Variants in ARPP21 observed in about 807,000 individuals in gnomAD.
ARPP21 encodes cAMP regulated phosphoprotein 21, also known as cAMP-regulated phosphoprotein 21.
ARPP21 carries 69 observed loss-of-function variants against 113.2 expected under a neutral mutation model. The observed-to-expected ratio is 0.61, with a 90% confidence interval of 0.50 to 0.74. The LOEUF (loss-of-function observed/expected upper bound fraction) is 0.74. ARPP21 is among the 30% of genes least tolerant of loss of function. The probability of loss-of-function intolerance (pLI) is 0.00; values close to 1 mark genes in which losing one functional copy is unlikely to be tolerated. For synonymous variants in ARPP21, 368 were observed against 375.5 expected (o/e 0.98, Z 0.23); for missense variants, 1,070 against 1,037.4 (o/e 1.03, Z -0.43).
At chr3:35,757,799 C>T (rs1340775125) in intron 19 of ARPP21, among the ~76,000 whole-genome samples, 2 of 151,956 alleles carry the variant, frequency 1.3e-5, no homozygotes, top group East Asian at 1.9e-4. Context: ...TAGAGTATCG[C>T]AATTTCTTAT....
chr3:35,711,596 A>G (rs2150088095), intron 11 of ARPP21, among the ~76,000 whole-genome samples: 1 of 152,308 alleles, frequency 6.6e-6, no homozygotes, highest in South Asian at 2.1e-4. Context: ...GAGTAGCTTA[A>G]CTGGGTGATT....
chr3:35,688,553 C>T, intron 6 of ARPP21, among the ~76,000 whole-genome samples: 1 of 151,502 alleles, frequency 6.6e-6, no homozygotes. Context: ...ATGAAGAGTA[C>T]CATGAGTAAA....
chr3:35,664,028 A>C (rs1709024916), intron 1 of ARPP21, among the ~76,000 whole-genome samples: 1 of 152,240 alleles, frequency 6.6e-6, no homozygotes, highest in Non-Finnish European at 1.5e-5. Flanking sequence ...TTTTCAGCCC[A>C]CTATAAAGCG....
At chr3:35,758,894 G>A (rs1009531602) in intron 19 of ARPP21, among the ~76,000 whole-genome samples, 1 of 151,912 alleles carries the variant, frequency 6.6e-6, no homozygotes, top group Non-Finnish European at 1.5e-5. Context: ...GTGTGTGGGT[G>A]GTGGGTGGAT....
chr3:35,691,480 C>A (rs1367299807), intron 9 of ARPP21, among the ~76,000 whole-genome samples: 3 of 151,484 alleles, frequency 2.0e-5, no homozygotes, highest in Admixed American at 2.0e-4. Context: ...CCTCTAAAAC[C>A]CAATTCTACT....
intron 1 of ARPP21, among the ~76,000 whole-genome samples, chr3:35,677,016 T>C (rs1322618692): frequency 6.6e-6 from 1 of 151,872 alleles, no homozygotes; most frequent in Non-Finnish European, 1.5e-5. Flanking sequence ...AAGCAAAACA[T>C]TTCAATTTCA....
chr3:35,713,445 G>A (rs1347957501), intron 11 of ARPP21, among the ~76,000 whole-genome samples: 1 of 151,894 alleles, frequency 6.6e-6, no homozygotes, highest in African/African-American at 2.4e-5. Context: ...ACCTAGGTTG[G>A]AGTACAGTGG....
intron 18 of ARPP21, 96 bp downstream of exon 18, chr3:35,739,673 C>T (rs2150760223): frequency 7.0e-7 from 1 of 1,431,172 alleles, no homozygotes; most frequent in East Asian, 2.3e-5. Flanking sequence ...TTCACTCCCT[C>T]TTCCCTTTCT....
chr3:35,673,508 C>A (rs1240691900), intron 1 of ARPP21, among the ~76,000 whole-genome samples: 5 of 151,678 alleles, frequency 3.3e-5, no homozygotes. Flanking sequence ...TCTGAAAAGG[C>A]AATATTAAGG....
intron 5 of ARPP21, 142 bp from the exon 6 acceptor site, chr3:35,687,597 A>G: frequency 1.5e-6 from 1 of 651,394 alleles, no homozygotes. Flanking sequence ...TAATTTCCTG[A>G]CAGGTTTAAT....
At chr3:35,734,590 G>A (rs2094215499) in intron 15 of ARPP21, among the ~76,000 whole-genome samples, 1 of 152,162 alleles carries the variant, frequency 6.6e-6, no homozygotes, top group Admixed American at 6.5e-5. Context: ...ATATGTTTCT[G>A]AATATGCAAC....
At chr3:35,743,036 A>G (rs919026580) in intron 18 of ARPP21, among the ~76,000 whole-genome samples, 2 of 152,264 alleles carry the variant, frequency 1.3e-5, no homozygotes, top group Admixed American at 6.5e-5. Context: ...AGAAGGTAGC[A>G]TAAACAACAT....
chr3:35,750,238 G>A (rs1340520353), intron 19 of ARPP21, among the ~76,000 whole-genome samples: 1 of 148,234 alleles, frequency 6.7e-6, no homozygotes. Flanking sequence ...TGCTTTAGCT[G>A]TGTCCCACAG....
chr3:35,701,576 C>T, intron 9 of ARPP21, among the ~76,000 whole-genome samples: 1 of 151,628 alleles, frequency 6.6e-6, no homozygotes, highest in Non-Finnish European at 1.5e-5. Context: ...GTATTTTCCC[C>T]TTTTCTCTTA....
At chr3:35,776,872 C>T (rs2096386162) in intron 19 of ARPP21, among the ~76,000 whole-genome samples, 1 of 152,076 alleles carries the variant, frequency 6.6e-6, no homozygotes, top group African/African-American at 2.4e-5. Context: ...TATCTGCTTC[C>T]CAGTTAGGAC....
intron 9 of ARPP21, among the ~76,000 whole-genome samples, chr3:35,691,656 G>A (rs180808724): frequency 1.4e-4 from 21 of 151,430 alleles, no homozygotes; most frequent in Admixed American, 3.3e-4. Flanking sequence ...TCTTAATACC[G>A]GTTCATTGTT....
intron 19 of ARPP21, among the ~76,000 whole-genome samples, chr3:35,778,609 T>TTTGTTAAAACCTTTGTTAAA (rs1009424270): frequency 4.6e-5 from 7 of 152,202 alleles, no homozygotes; most frequent in African/African-American, 1.7e-4. Flanking sequence ...TCAACTTACC[T>TTTGTTAAAACCTTTGTTAAA]ACTCCCTTTG....
rs577813195 is a variant in ARPP21, at chr3:35,794,115, G to A, written c.*157G>A. On this transcript the variant is annotated 3_prime_UTR_variant, in exon 21 of 21. Coordinates refer to ENST00000684406, the MANE Select transcript of ARPP21 (RefSeq NM_001385562.1). ...AAAATAAACAAAGACTAATATACAC[G>A]TTAGCTGGTTAATGGTGCATATTTC... 3.1e-5 allele frequency: 21 copies of A among 673,710 alleles called. No homozygotes were observed. The highest frequency in any genetic ancestry group is 9.0e-5 in the African/African-American group (5 of 55,552). 41.7% of individuals were successfully genotyped at this position (673,710 alleles called of 1,614,324 possible).
At chr3:35,762,302 AT>A (rs1326332630) in intron 19 of ARPP21, among the ~76,000 whole-genome samples, 3 of 152,124 alleles carry the variant, frequency 2.0e-5, no homozygotes, top group African/African-American at 4.8e-5. Context: ...AAGATGGACT[AT>A]ATCTTGAACA....
Sources: allele counts gnomAD v4.1 joint callset (sites outside exome capture counted in the v4.1 genomes callset), GRCh38; gene constraint gnomAD v4.1.1; transcripts MANE v1.5; gene names NCBI Gene and HGNC (gene_info 2026-07-23, HGNC 2026-07-21).